The following EDA variants were observed in gnomAD, a reference collection of about 807,000 sequenced individuals.
EDA encodes the protein ectodysplasin-A.
Under a neutral mutation model 23.6 loss-of-function variants are expected in EDA, and 2 were observed. The ratio of observed to expected loss-of-function variants is 0.08; its 90% CI spans 0.03 to 0.27. The LOEUF is 0.27. EDA is among the 10% of genes least tolerant of loss of function. EDA has a pLI of 1.00. For synonymous variants in EDA, 131 were observed against 132.0 expected (o/e 0.99, Z 0.05); for missense variants, 229 against 324.2 (o/e 0.71, Z 2.26).
intron 2 of EDA, 139 bp downstream of exon 2, chrX:69,957,271 C>T (rs1321070173): frequency 1.8e-6 from 1 of 540,922 alleles, no homozygotes; most frequent in Admixed American, 3.0e-5. Context: ...GCGGGCAGAT[C>T]ACTTGAGGTG....
intron 1 of EDA, among the ~76,000 whole-genome samples, chrX:69,621,562 T>A (rs5936707): frequency 0.082 from 9,157 of 111,819 alleles, 348 homozygotes; most frequent in Non-Finnish European, 0.12. Flanking sequence ...TTAGTTTTTT[T>A]ATCTTTCTCC....
At chrX:69,637,709 T>A (rs770090224) in intron 1 of EDA, among the ~76,000 whole-genome samples, 26 of 111,411 alleles carry the variant, frequency 2.3e-4, no homozygotes, top group Non-Finnish European at 3.8e-4. Flanking sequence ...ATATCGACTC[T>A]ATAAAGTTGT....
chrX:69,678,036 A>G (rs1368034407), intron 1 of EDA, among the ~76,000 whole-genome samples: 1 of 111,195 alleles, frequency 9.0e-6, no homozygotes, highest in East Asian at 2.8e-4. Flanking sequence ...AGCTTTCTAC[A>G]TATGGCTAGC....
At chrX:69,921,456 G>A (rs1032200676) in intron 1 of EDA, among the ~76,000 whole-genome samples, 2 of 110,797 alleles carry the variant, frequency 1.8e-5, no homozygotes, top group Non-Finnish European at 3.8e-5. Flanking sequence ...TGTCCCCAGC[G>A]CTAATACAAT....
chrX:69,900,396 G>T (rs1195204847), intron 1 of EDA, among the ~76,000 whole-genome samples: 3 of 106,789 alleles, frequency 2.8e-5, no homozygotes, highest in Admixed American at 1.0e-4. Flanking sequence ...AGTCATAACA[G>T]CCATGTGTGA....
At chrX:69,619,120 G>A (rs1460339292) in intron 1 of EDA, among the ~76,000 whole-genome samples, 1 of 112,073 alleles carries the variant, frequency 8.9e-6, no homozygotes, top group Non-Finnish European at 1.9e-5. Flanking sequence ...ATTTGGCCAC[G>A]TAGGTCATAT....
chrX:69,989,295 C>T (rs2019550054), intron 2 of EDA, among the ~76,000 whole-genome samples: 2 of 111,739 alleles, frequency 1.8e-5, no homozygotes, highest in African/African-American at 6.5e-5. Flanking sequence ...CGAACTTTCA[C>T]TCCACCCATT....
chrX:69,787,649 G>T (rs2015240442), intron 1 of EDA, among the ~76,000 whole-genome samples: 1 of 111,442 alleles, frequency 9.0e-6, no homozygotes, highest in African/African-American at 3.3e-5. Context: ...TAGAGTTTCT[G>T]CCGAGAGATC....
At chrX:69,802,273 A>C (rs990694054) in intron 1 of EDA, among the ~76,000 whole-genome samples, 1 of 109,928 alleles carries the variant, frequency 9.1e-6, no homozygotes, top group African/African-American at 3.3e-5. Context: ...TATGTATATA[A>C]TGGAACAGTT....
chrX:69,796,023 G>T (rs1157897419), intron 1 of EDA, among the ~76,000 whole-genome samples: 1 of 111,711 alleles, frequency 9.0e-6, no homozygotes, highest in African/African-American at 3.3e-5. Context: ...TACCAGCATA[G>T]CACCTACCTA....
chrX:70,012,783 C>T (rs756348600), intron 2 of EDA, among the ~76,000 whole-genome samples: 1 of 111,943 alleles, frequency 8.9e-6, no homozygotes, highest in Non-Finnish European at 1.9e-5. Context: ...CCACGTGGAT[C>T]TGTGTCCCTG....
intron 1 of EDA, among the ~76,000 whole-genome samples, chrX:69,728,690 A>G (rs746540262): frequency 1.9e-4 from 21 of 111,390 alleles, no homozygotes; most frequent in Non-Finnish European, 3.0e-4. Context: ...GGAGAGGGCT[A>G]AGAGGAAAAG....
intron 1 of EDA, among the ~76,000 whole-genome samples, chrX:69,813,740 A>G (rs1172396664): frequency 1.8e-5 from 2 of 111,031 alleles, no homozygotes; most frequent in Non-Finnish European, 3.8e-5. Flanking sequence ...GCTAATTTGC[A>G]GTGGCATACC....
chrX:69,834,414 A>T (rs1268753160), intron 1 of EDA, among the ~76,000 whole-genome samples: 1 of 111,175 alleles, frequency 9.0e-6, no homozygotes, highest in Non-Finnish European at 1.9e-5. Context: ...TATATTTAGG[A>T]TAGTTAGCTC....
At chrX:69,647,945 C>T (rs916031169) in intron 1 of EDA, among the ~76,000 whole-genome samples, 6 of 111,352 alleles carry the variant, frequency 5.4e-5, no homozygotes, top group African/African-American at 2.0e-4. Context: ...GCCACTGTAC[C>T]GTAGGACTGC....
At chrX:69,623,622 CCTT>C (rs969534061) in intron 1 of EDA, among the ~76,000 whole-genome samples, 14 of 110,002 alleles carry the variant, frequency 1.3e-4, no homozygotes, top group African/African-American at 3.6e-4. Flanking sequence ...TGTATTCTAT[CCTT>C]CTTTTTCTCT....
intron 1 of EDA, among the ~76,000 whole-genome samples, chrX:69,758,990 T>TGTTTAG (rs200766370): frequency 0.022 from 2,537 of 112,830 alleles, 70 homozygotes; most frequent in African/African-American, 0.078. Context: ...ATGTGCTGTC[T>TGTTTAG]GATCTGTTTA....
At chrX:69,685,964 A>G (rs1442349296) in intron 1 of EDA, among the ~76,000 whole-genome samples, 5 of 112,952 alleles carry the variant, frequency 4.4e-5, no homozygotes, top group Non-Finnish European at 1.9e-5. Context: ...TTTCTACTTC[A>G]TCAAGAACAT....
At chrX:69,828,743 A>C (rs2016531783) in intron 1 of EDA, among the ~76,000 whole-genome samples, 1 of 112,352 alleles carries the variant, frequency 8.9e-6, no homozygotes, top group Non-Finnish European at 1.9e-5. Context: ...TATTCTATTA[A>C]AGATAGGAAA....
Sources: gnomAD v4.1 joint callset for allele counts (sites outside exome capture counted in the v4.1 genomes callset) on GRCh38, gnomAD v4.1.1 for gene constraint, MANE v1.5 for transcripts, NCBI Gene and HGNC (gene_info 2026-07-23, HGNC 2026-07-21) for gene names.